The following DMXL2 variants were observed in gnomAD, a reference collection of about 807,000 sequenced individuals.
DMXL2 encodes dmX-like protein 2.
Under a neutral mutation model 331.1 loss-of-function variants are expected in DMXL2, and 103 were observed. That is an observed-to-expected ratio of 0.31 (90% CI 0.27 to 0.37). The LOEUF (loss-of-function observed/expected upper bound fraction) is 0.37, where lower values mean the gene tolerates loss of function less well. DMXL2 is among the 10% of genes least tolerant of loss of function. The pLI, the probability that DMXL2 is intolerant of heterozygous loss-of-function variation, is 1.00. For missense variants in DMXL2, 3,171 were observed against 3,642.9 expected (o/e 0.87, Z 3.33); for synonymous variants, 1,281 against 1,252.1 (o/e 1.02, Z -0.49).
intron 15 of DMXL2, among the ~76,000 whole-genome samples, chr15:51,511,546 G>A (rs191305021): frequency 1.3e-5 from 2 of 152,318 alleles, no homozygotes; most frequent in African/African-American, 4.8e-5. Flanking sequence ...AACAACAGAT[G>A]CTGGAGAGGA....
chr15:51,620,696 T>C (rs1454057870), intron 1 of DMXL2, among the ~76,000 whole-genome samples: 2 of 152,148 alleles, frequency 1.3e-5, no homozygotes, highest in Non-Finnish European at 2.9e-5. Flanking sequence ...AATAAGGTGG[T>C]GGTTAAGGAT....
chr15:51,499,290 C>T lies in DMXL2; in HGVS notation c.3934G>A (p.Val1312Ile), dbSNP rs2043409475. The change falls in exon 18 of 44, where the codon GTT becomes ATT. Residue 1312 changes from valine to isoleucine, a missense_variant. By Grantham distance (29) the Val-to-Ile change is conservative. This residue lies in a region of DMXL2 where 1,674 missense variants were observed against 1,780.2 expected (regional missense o/e 0.94). Transcript: ENST00000560891. ...TCATCAGAAATAGCTGTTCCTTCAA[C>T]AACACTTTTTCTTGCCAGCATATTA... ...KSNMLARKSV[V>I]EGTAISDDVF... 6.2e-7 allele frequency: 1 copy of T among 1,613,894 alleles called. No individual in the cohort carries two copies. The highest frequency in any genetic ancestry group is 1.1e-5 in the South Asian group (1 of 91,078).
intron 9 of DMXL2, among the ~76,000 whole-genome samples, chr15:51,540,522 C>A (rs1035828732): frequency 6.6e-6 from 1 of 151,446 alleles, no homozygotes; most frequent in Non-Finnish European, 1.5e-5. Flanking sequence ...TCTATACAGG[C>A]AGAGGAGGAG....
Position 51,448,806 on chromosome 15 carries a change from T to TA in DMXL2, c.*177dup. 1 of 634,594 alleles carries TA rather than the reference T, an allele frequency of 1.6e-6. No homozygotes were observed. Among genetic ancestry groups the TA allele is most frequent in the Non-Finnish European group, 2.7e-6 (1 of 368,984 alleles). The allele number at this position is 634,594 out of a possible 1,614,324, so 39.3% of individuals were successfully genotyped here. A position where few individuals can be genotyped will look rare whatever the true frequency, so the allele number is the denominator to read the frequency against. ...TATTTTTTTTAGTATGTCAGCATAA[T>TA]AAGGTACATGCGCATTCATTCCACC... is the stretch of plus-strand genomic sequence containing the variant. On this transcript the variant is annotated 3_prime_UTR_variant, in exon 44 of 44. Coordinates refer to ENST00000560891, the MANE Select transcript of DMXL2 (RefSeq NM_001378457.1).
rs1249014627 is a variant in DMXL2, at chr15:51,457,536, T to C, written c.8199-70A>G. 2.6e-6 allele frequency: 4 copies of C among 1,551,798 alleles called. No individual in the cohort carries two copies. The African/African-American group carries it at 5.4e-5, about 21-fold the overall frequency. The stretch of plus-strand genomic sequence containing the variant: ...TTAACACAAATTCCAACTAAAAATC[T>C]TCTTATGTACCCATAGGACAATCTT... On this transcript the variant is annotated intron_variant, in intron 36 of 43. Coordinates refer to ENST00000560891, the MANE Select transcript of DMXL2 (RefSeq NM_001378457.1).
At chr15:51,543,013 G>A (rs2048688242) in intron 8 of DMXL2, among the ~76,000 whole-genome samples, 1 of 152,078 alleles carries the variant, frequency 6.6e-6, no homozygotes. Flanking sequence ...GATAGGAGTA[G>A]ACAAGGAAAG....
intron 1 of DMXL2, among the ~76,000 whole-genome samples, chr15:51,603,093 C>T (rs895134436): frequency 3.3e-5 from 5 of 151,982 alleles, no homozygotes; most frequent in Admixed American, 6.6e-5. Flanking sequence ...AAGAGTAAAA[C>T]AATTCCAAAT....
chr15:51,575,509 G>C (rs2050965229), intron 2 of DMXL2, among the ~76,000 whole-genome samples: 1 of 152,002 alleles, frequency 6.6e-6, no homozygotes, highest in South Asian at 2.1e-4. Flanking sequence ...TTGAAAATTG[G>C]GGGAGAGGTA....
Position 51,471,296 on chromosome 15 carries a change from G to A in DMXL2, c.7319C>T (p.Pro2440Leu). The change falls in exon 29 of 44, where the codon CCT becomes CTT. Residue 2440 changes from proline to leucine, a missense_variant. By Grantham distance (98) the Pro-to-Leu change is moderately conservative. Transcript: ENST00000560891. ...PVKDATPPPV[P>L]AERPSYKEKF... is the part of the protein sequence containing the mutation. ...TTCTTTGTAAGATGGTCTTTCTGCA[G>A]GCACCGGTGGTGGGGTAGCATCTTT... is the stretch of plus-strand genomic sequence containing the variant. The A allele has an allele frequency of 6.2e-7, 1 of 1,614,068 alleles. No individual in the cohort carries two copies.
At chr15:51,568,924 G>A (rs1052838119) in intron 2 of DMXL2, among the ~76,000 whole-genome samples, 2 of 152,144 alleles carry the variant, frequency 1.3e-5, no homozygotes, top group Non-Finnish European at 2.9e-5. Flanking sequence ...ATCTCACTGG[G>A]ACTGGCTGGA....
At chr15:51,545,344 A>G (rs2048831939) in intron 8 of DMXL2, among the ~76,000 whole-genome samples, 1 of 152,212 alleles carries the variant, frequency 6.6e-6, no homozygotes, top group Non-Finnish European at 1.5e-5. Context: ...AGCATAAAAT[A>G]TCAATTTTTA....
At chr15:51,456,472 T>C in intron 37 of DMXL2, 103 bp from the exon 38 acceptor site, 1 of 730,120 alleles carries the variant, frequency 1.4e-6, no homozygotes, top group Middle Eastern at 4.1e-4. Context: ...ACACCTTGCT[T>C]ATTACTGAGA....
intron 1 of DMXL2, among the ~76,000 whole-genome samples, chr15:51,581,902 A>T (rs2051450185): frequency 6.6e-6 from 1 of 152,132 alleles, no homozygotes; most frequent in African/African-American, 2.4e-5. Flanking sequence ...AAGAAACAAA[A>T]CCTGATAAAT....
At chr15:51,598,355 C>T (rs572872000) in intron 1 of DMXL2, among the ~76,000 whole-genome samples, 95 of 152,168 alleles carry the variant, frequency 6.2e-4, no homozygotes, top group South Asian at 2.1e-3. Flanking sequence ...AGGCATGATT[C>T]CTTTTTATTC....
chr15:51,538,196 G>A lies in DMXL2; in HGVS notation c.1345+17C>T, dbSNP rs2048390241. 1.3e-6 allele frequency: 2 copies of A among 1,599,294 alleles called. No homozygotes were observed. ...GTTAACTTTGGAGTAAGTAAAATCT[G>A]AACACAGGATACTAACCATGGTCTA... On this transcript the variant is annotated intron_variant, in intron 10 of 43. Transcript: ENST00000560891.
intron 6 of DMXL2, among the ~76,000 whole-genome samples, chr15:51,556,569 T>A (rs939125162): frequency 2.0e-5 from 3 of 151,890 alleles, no homozygotes; most frequent in Admixed American, 6.6e-5. Flanking sequence ...GGTCAGGAGT[T>A]CGAGACCAGC....
At position 51,537,565 on chromosome 15, in the gene DMXL2, G is replaced by A. The variant is rs759723736; in HGVS notation, c.1540C>T (p.Pro514Ser). The A allele has an allele frequency of 1.7e-5, 28 of 1,613,466 alleles. No individual in the cohort carries two copies. The highest frequency in any genetic ancestry group is 2.3e-5 in the Non-Finnish European group (27 of 1,179,784). ...CACACTAGAAAGGTACCATCTACAG[G>A]GTGTATTGTAAAAAGCATATCAGGA... ...KNPDMLFTIH[P>S]VDGTFLVWHV... is the part of the protein sequence containing the mutation. The change falls in exon 11 of 44, where the codon CCT (proline) becomes TCT (serine). Residue 514 changes from proline (P) to serine (S), a missense_variant. Around this residue, in one of 7 missense-constraint regions of DMXL2, gnomAD observed 1,674 missense variants for 1,780.2 expected, o/e 0.94. Transcript: ENST00000560891.
chr15:51,606,284 T>C (rs1567178942), intron 1 of DMXL2, among the ~76,000 whole-genome samples: 2 of 152,194 alleles, frequency 1.3e-5, no homozygotes, highest in African/African-American at 4.8e-5. Flanking sequence ...CTCAGCTCAC[T>C]GCAACCTCTG....
intron 7 of DMXL2, 44 bp downstream of exon 7, chr15:51,547,186 C>A: frequency 6.7e-7 from 1 of 1,489,180 alleles, no homozygotes; most frequent in Non-Finnish European, 9.0e-7. Flanking sequence ...TTTTTATAAA[C>A]ATTTAAGGAT....
Sources: gnomAD v4.1 joint callset for allele counts (sites outside exome capture counted in the v4.1 genomes callset) on GRCh38, gnomAD v4.1.1 for gene constraint, gnomAD v4.1.1 regional missense constraint, MANE v1.5 for transcripts, NCBI Gene and HGNC (gene_info 2026-07-23, HGNC 2026-07-21) for gene names.